Variants in PPP2R5A observed in about 807,000 individuals in gnomAD.
PPP2R5A encodes serine/threonine-protein phosphatase 2A 56 kDa regulatory subunit alpha isoform.
PPP2R5A carries 25 observed loss-of-function variants against 64.2 expected under a neutral mutation model. The ratio of observed to expected loss-of-function variants is 0.39; its 90% CI spans 0.28 to 0.54. PPP2R5A has a LOEUF of 0.54. Among genes scored for constraint, PPP2R5A ranks in the 20% least tolerant of loss-of-function variants. The pLI is 0.67. For missense variants in PPP2R5A, 425 were observed against 576.3 expected (o/e 0.74, Z 2.69); for synonymous variants, 198 against 201.2 (o/e 0.98, Z 0.13).
intron 1 of PPP2R5A, among the ~76,000 whole-genome samples, chr1:212,327,874 G>T (rs755055712): frequency 6.6e-6 from 1 of 152,212 alleles, no homozygotes; most frequent in African/African-American, 2.4e-5. Context: ...GAATGCAGTG[G>T]TGCGATTTCG....
chr1:212,346,988 T>C (rs1480774178), intron 5 of PPP2R5A, among the ~76,000 whole-genome samples: 1 of 152,212 alleles, frequency 6.6e-6, no homozygotes, highest in East Asian at 1.9e-4. Context: ...TTATTACATA[T>C]GGGTCTTTTT....
At position 212,357,357 on chromosome 1, in the gene PPP2R5A, C is replaced by T. The variant is rs1371728802; in HGVS notation, c.1226+73C>T. 4 of 1,315,058 alleles carry T rather than the reference C, an allele frequency of 3.0e-6. No homozygotes were observed. In the African/African-American group the frequency reaches 6.2e-5, roughly 20 times the overall value. 81.5% of individuals were successfully genotyped at this position (1,315,058 alleles called of 1,614,324 possible). A position where few individuals can be genotyped will look rare whatever the true frequency, so the allele number is the denominator to read the frequency against. The stretch of plus-strand genomic sequence containing the variant: ...TATCTTTTTGTTATTGATTTCCTAA[C>T]TCATACTTGAAACCTATTACAGATT... On this transcript the variant is annotated intron_variant, in intron 11 of 12. Transcript: ENST00000261461.
intron 6 of PPP2R5A, 82 bp from the exon 7 acceptor site, chr1:212,348,307 C>T (rs1191697341): frequency 3.6e-6 from 3 of 842,090 alleles, no homozygotes; most frequent in East Asian, 4.9e-5. Context: ...TAGCACTGTT[C>T]CTTATGTACT....
At chr1:212,345,441 T>C (rs772933677) in intron 4 of PPP2R5A, among the ~76,000 whole-genome samples, 75 of 152,200 alleles carry the variant, frequency 4.9e-4, no homozygotes, top group Non-Finnish European at 9.1e-4. Context: ...AACGATTTTC[T>C]ATGTAGTTTT....
intron 1 of PPP2R5A, among the ~76,000 whole-genome samples, chr1:212,316,586 A>C (rs1306254653): frequency 1.2e-4 from 2 of 17,050 alleles, no homozygotes; most frequent in Admixed American, 7.7e-4. Context: ...TTTGTGGGTG[A>C]CTTTTTTTTT....
intron 1 of PPP2R5A, among the ~76,000 whole-genome samples, chr1:212,289,390 A>G (rs1276698124): frequency 3.3e-5 from 5 of 152,150 alleles, no homozygotes; most frequent in Non-Finnish European, 7.3e-5. Flanking sequence ...AACTTTTTGC[A>G]AGGTCAGTAT....
chr1:212,288,236 C>A (rs1429706991), intron 1 of PPP2R5A, among the ~76,000 whole-genome samples: 1 of 152,050 alleles, frequency 6.6e-6, no homozygotes, highest in Non-Finnish European at 1.5e-5. Flanking sequence ...GGCTGGTCTC[C>A]AACTCCTGAC....
intron 12 of PPP2R5A, among the ~76,000 whole-genome samples, 190 bp from the exon 13 acceptor site, chr1:212,360,446 GCA>G (rs1660059786): frequency 2.6e-5 from 4 of 152,184 alleles, no homozygotes; most frequent in African/African-American, 9.7e-5. Context: ...TACAGGAGAT[GCA>G]CAGACTCAGT....
At chr1:212,289,124 G>A (rs1658556566) in intron 1 of PPP2R5A, among the ~76,000 whole-genome samples, 1 of 152,154 alleles carries the variant, frequency 6.6e-6, no homozygotes, top group East Asian at 1.9e-4. Context: ...GATTCTGGAA[G>A]GCTTGGTTTG....
chr1:212,324,777 T>C (rs1659377914), intron 1 of PPP2R5A, among the ~76,000 whole-genome samples: 1 of 152,074 alleles, frequency 6.6e-6, no homozygotes, highest in Non-Finnish European at 1.5e-5. Context: ...GCTAATTTTT[T>C]GTTACTTTTA....
At chr1:212,332,673 C>T (rs1659523225) in intron 2 of PPP2R5A, among the ~76,000 whole-genome samples, 2 of 152,120 alleles carry the variant, frequency 1.3e-5, no homozygotes, top group South Asian at 4.1e-4. Context: ...TCTACCCTCA[C>T]TCACCTCTTC....
At position 212,301,947 on chromosome 1, in the gene PPP2R5A, T is replaced by A. The variant is rs968357158; in HGVS notation, c.181+15656T>A. 7 of 1,337,282 alleles carry A rather than the reference T, an allele frequency of 5.2e-6. No individual in the cohort carries two copies. In the Admixed American group the frequency reaches 1.9e-4, roughly 36 times the overall value. 82.8% of individuals were successfully genotyped at this position (1,337,282 alleles called of 1,614,324 possible). On this transcript the variant is annotated intron_variant, in intron 1 of 12. Coordinates refer to ENST00000261461, the MANE Select transcript of PPP2R5A (RefSeq NM_006243.4). ...TTATAAAATTATTATTTGTTAGAAA[T>A]GATTCCTGCTACTTCAAATTATTTA... is the stretch of plus-strand genomic sequence containing the variant.
At chr1:212,356,926 T>C in intron 9 of PPP2R5A, 24 bp from the exon 10 acceptor site, 2 of 1,483,534 alleles carry the variant, frequency 1.3e-6, no homozygotes, top group Non-Finnish European at 1.8e-6. Flanking sequence ...TCATGTTTCT[T>C]AAAATAAAAT....
In PPP2R5A at chr1:212,286,291, G is replaced by T; in HGVS notation, c.181G>T (p.Asp61Tyr). Residue 61 changes from aspartate to tyrosine, a missense_variant and splice_region_variant, in exon 1 of 13, where the codon GAT (aspartate) becomes TAT (tyrosine). By Grantham distance (160) the Asp-to-Tyr change is radical. Coordinates refer to ENST00000261461, the MANE Select transcript of PPP2R5A (RefSeq NM_006243.4). ...GCTGCACCCGCTGCCCCAGCTCAAAGGTAACCTCCGAGGGCGCAGCCCCAG... is the reference window on the plus strand; with the variant it reads ...GCTGCACCCGCTGCCCCAGCTCAAATGTAACCTCCGAGGGCGCAGCCCCAG... ...AELHPLPQLK[D>Y]ATSNEQQELF... 1 of 1,512,430 alleles carries T rather than the reference G, an allele frequency of 6.6e-7. No individual in the cohort carries two copies. The highest frequency in any genetic ancestry group is 8.8e-7 in the Non-Finnish European group (1 of 1,131,010). 93.7% of individuals were successfully genotyped at this position (1,512,430 alleles called of 1,614,324 possible).
chr1:212,355,101 T>C (rs1659955838), intron 8 of PPP2R5A, among the ~76,000 whole-genome samples: 1 of 152,244 alleles, frequency 6.6e-6, no homozygotes, highest in African/African-American at 2.4e-5. Flanking sequence ...CTTTTCTCCA[T>C]ATGTCTTAAG....
chr1:212,340,734 C>CAGAGATA (rs1488624978), intron 3 of PPP2R5A, among the ~76,000 whole-genome samples: 1 of 152,162 alleles, frequency 6.6e-6, no homozygotes, highest in Admixed American at 6.5e-5. Context: ...CACAGTTGGG[C>CAGAGATA]AGAGATACAT....
At chr1:212,311,320 T>C (rs1227502399) in intron 1 of PPP2R5A, among the ~76,000 whole-genome samples, 1 of 151,836 alleles carries the variant, frequency 6.6e-6, no homozygotes, top group Non-Finnish European at 1.5e-5. Context: ...TACGAAAAAT[T>C]AGTCGGGTGT....
At chr1:212,294,802 C>G (rs1658662988) in intron 1 of PPP2R5A, among the ~76,000 whole-genome samples, 1 of 152,150 alleles carries the variant, frequency 6.6e-6, no homozygotes, top group South Asian at 2.1e-4. Context: ...GTGAAGGACT[C>G]AATCCCGTTT....
At chr1:212,352,945 A>AT in intron 8 of PPP2R5A, 1 of 518,848 alleles carries the variant, frequency 1.9e-6, no homozygotes. Context: ...TTGGGAAAAT[A>AT]CCATTCCATT....
Sources: gnomAD v4.1 joint callset for allele counts (sites outside exome capture counted in the v4.1 genomes callset) on GRCh38, gnomAD v4.1.1 for gene constraint, MANE v1.5 for transcripts, NCBI Gene and HGNC (gene_info 2026-07-23, HGNC 2026-07-21) for gene names.